Variants in SEC62 observed in about 807,000 individuals in gnomAD.
SEC62 encodes SEC62 preprotein translocation factor, also known as translocation protein SEC62.
In SEC62, 10 loss-of-function variants were observed where a neutral mutation model predicts 47.5. The observed-to-expected ratio is 0.21, with a 90% confidence interval of 0.13 to 0.36. The LOEUF (loss-of-function observed/expected upper bound fraction) is 0.36. Among genes scored for constraint, SEC62 ranks in the 10% least tolerant of loss-of-function variants. SEC62 has a pLI of 1.00. For missense variants in SEC62, 327 were observed against 464.1 expected, an observed-to-expected ratio of 0.70 and a Z score of 2.71; for synonymous variants, 136 against 150.5, an observed-to-expected ratio of 0.90 and a Z score of 0.71.
chr3:169,969,324 G>A (rs1435004010), intron 1 of SEC62: 1 of 456,468 alleles, frequency 2.2e-6, no homozygotes, highest in African/African-American at 2.0e-5. Context: ...GAAGTTTCTA[G>A]CAAGAGGACT....
chr3:169,988,840 G>C (rs1303773003), intron 7 of SEC62, among the ~76,000 whole-genome samples: 1 of 152,000 alleles, frequency 6.6e-6, no homozygotes, highest in Non-Finnish European at 1.5e-5. Context: ...TTTTGCAGTG[G>C]TAGATCATTT....
In SEC62 at chr3:169,970,291, A is replaced by G. The variant is rs115832124; in HGVS notation, c.36+3433A>G. 3.4e-3 allele frequency among the ~76,000 whole-genome samples: 525 copies of G among 152,316 alleles called. 2 individuals carry two copies. The highest frequency in any genetic ancestry group is 5.1e-3 in the Non-Finnish European group (344 of 68,004). ...AGGTCCCCTCCAGCTTTCAGATCTT[A>G]TTGTTAAACTACTATTTGCATTTTT... On this transcript the variant is annotated intron_variant, in intron 1 of 7. Transcript: ENST00000337002.
rs3772184 is a variant in SEC62 at position 169,974,347 on chromosome 3, A to G, written c.37-1261A>G. Among the ~76,000 whole-genome samples the G allele has an allele frequency of 5.5e-3, 833 of 152,340 alleles. 41 individuals are homozygous for G. The East Asian group carries it at 0.13, about 24-fold the overall frequency. On this transcript the variant is annotated intron_variant, in intron 1 of 7. Transcript: ENST00000337002. ...AATTAAGTACAGTGCATTTGTTTCA[A>G]TAGCTTACAGCAATAAGACAGCTTT... is the stretch of plus-strand genomic sequence containing the variant.
Position 169,983,342 on chromosome 3 carries a change from T to C in SEC62, c.549+89T>C, listed in dbSNP as rs2287487. On this transcript the variant is annotated intron_variant, in intron 5 of 7. Transcript: ENST00000337002. ...GCCTTCACTAATAAAAGGAAAAATT[T>C]TGAGAAATCTAATTATGCTCTTAAA... 133 of 698,526 alleles carry C rather than the reference T, an allele frequency of 1.9e-4. No individual in the cohort carries two copies. The East Asian group carries it at 3.7e-3, about 19-fold the overall frequency. The allele number at this position is 698,526 out of a possible 1,614,324, so 43.3% of individuals were successfully genotyped here. A position where few individuals can be genotyped will look rare whatever the true frequency, so the allele number is the denominator to read the frequency against.
intron 3 of SEC62, among the ~76,000 whole-genome samples, chr3:169,977,987 C>T (rs1199423540): frequency 1.3e-5 from 2 of 152,142 alleles, no homozygotes; most frequent in Non-Finnish European, 2.9e-5. Context: ...CTTTTAGAAA[C>T]AGTAGGTTTC....
Position 169,992,643 on chromosome 3 carries a change from C to T in SEC62, c.780C>T (p.His260=), listed in dbSNP as rs748507888. 1.2e-6 allele frequency: 2 copies of T among 1,614,068 alleles called. No homozygotes were observed. Among genetic ancestry groups the T allele is most frequent in the Admixed American group, 3.3e-5 (2 of 60,002 alleles). The part of the protein sequence containing the change: ...LIIWLITGGR[H]HFWFLPNLTA... ...TTTGGCTCATAACTGGAGGAAGGCA[C>T]CACTTTTGGTTCTTGCCAAATCTGA... Residue 260 remains histidine (H), a synonymous_variant, in exon 8 of 8, where the codon CAC becomes CAT. Coordinates refer to ENST00000337002, the MANE Select transcript of SEC62 (RefSeq NM_003262.4). This position sits in a 1 kb window ranked among gnomAD's most constrained non-coding sequence, Gnocchi z 4.0.
At chr3:169,983,400 T>C in intron 5 of SEC62, 147 bp downstream of exon 5, 1 of 463,648 alleles carries the variant, frequency 2.2e-6, no homozygotes, top group Non-Finnish European at 3.9e-6. Context: ...TAAAAATCAA[T>C]AATTTCTCTT....
At chr3:169,986,769 C>G (rs1253787950) in intron 6 of SEC62, among the ~76,000 whole-genome samples, 1 of 151,930 alleles carries the variant, frequency 6.6e-6, no homozygotes, top group East Asian at 1.9e-4. Context: ...TTCCTGTCAC[C>G]CAGGCTGGAA....
intron 1 of SEC62, chr3:169,968,462 T>G (rs1030060721): frequency 1.3e-5 from 2 of 151,976 alleles, no homozygotes; most frequent in South Asian, 4.1e-4. Context: ...CCTCCACCAA[T>G]TATTGGCTGA....
chr3:169,982,485 A>G lies in SEC62; in HGVS notation c.252-222A>G, dbSNP rs116491109. On this transcript the variant is annotated intron_variant, in intron 3 of 7. Coordinates refer to ENST00000337002, the MANE Select transcript of SEC62 (RefSeq NM_003262.4). ...AGGTACATCATTAAAAGTGAAAATT[A>G]TATTGAATATCACTGAGTTTTGACA... 1.9e-3 allele frequency among the ~76,000 whole-genome samples: 291 copies of G among 152,298 alleles called. 2 individuals are homozygous for G. The highest frequency in any genetic ancestry group is 6.6e-3 in the African/African-American group (276 of 41,584).
In SEC62 at chr3:169,997,884, A is replaced by C. The variant is rs1715422629; in HGVS notation, c.*4821A>C. On this transcript the variant is annotated 3_prime_UTR_variant, in exon 8 of 8. Coordinates refer to ENST00000337002, the MANE Select transcript of SEC62 (RefSeq NM_003262.4). ...TGTGGTAGTTATAGGTGTGCATTTA[A>C]TAGCCAGATCTACGAGTGGATGTAA... 6.6e-6 allele frequency: 1 copy of C among 152,254 alleles called. No homozygotes were observed. The highest frequency in any genetic ancestry group is 1.5e-5 in the Non-Finnish European group (1 of 68,046). The allele number at this position is 152,254 out of a possible 1,614,324, so 9.4% of individuals were successfully genotyped here. A position where few individuals can be genotyped will look rare whatever the true frequency, so the allele number is the denominator to read the frequency against.
intron 1 of SEC62, among the ~76,000 whole-genome samples, chr3:169,973,242 T>A (rs1436436442): frequency 6.6e-6 from 1 of 152,212 alleles, no homozygotes; most frequent in Non-Finnish European, 1.5e-5. Context: ...AAATTTTAAT[T>A]AGGAATTTTT....
At chr3:169,985,641 C>A in intron 5 of SEC62, 164 bp from the exon 6 acceptor site, 1 of 493,844 alleles carries the variant, frequency 2.0e-6, no homozygotes, top group South Asian at 3.9e-5. Flanking sequence ...AGAAGAACCA[C>A]TACTACTGAA....
Position 169,992,391 on chromosome 3 carries a change from T to G in SEC62, c.731-203T>G, listed in dbSNP as rs1715268490. ...ATTATAGCTCACTGCAGCCTCGAGCTCCTGGGCTCAAGTGATCCTCCCAAG... is the reference window on the plus strand; with the variant it reads ...ATTATAGCTCACTGCAGCCTCGAGCGCCTGGGCTCAAGTGATCCTCCCAAG... On this transcript the variant is annotated intron_variant, in intron 7 of 7. Transcript: ENST00000337002. This position sits in a 1 kb window ranked among gnomAD's most constrained non-coding sequence, Gnocchi z 4.0. 1.3e-5 allele frequency among the ~76,000 whole-genome samples: 2 copies of G among 152,166 alleles called. No individual in the cohort carries two copies. Among genetic ancestry groups the G allele is most frequent in the South Asian group, 4.1e-4 (2 of 4,828 alleles).
In SEC62 at chr3:169,995,074, C is replaced by A. The variant is rs1715342757; in HGVS notation, c.*2011C>A. ...GTGTACTTTAAACAAATATAAAAAT[C>A]AAAAGGCTGCCTCTATTACAATCCT... On this transcript the variant is annotated 3_prime_UTR_variant, in exon 8 of 8. Transcript: ENST00000337002. The A allele has an allele frequency of 1.3e-5, 2 of 152,108 alleles. No individual in the cohort carries two copies. The highest frequency in any genetic ancestry group is 4.1e-4 in the South Asian group (2 of 4,826). The allele number at this position is 152,108 out of a possible 1,614,324, so 9.4% of individuals were successfully genotyped here.
chr3:169,974,391 A>G (rs930621050), intron 1 of SEC62, among the ~76,000 whole-genome samples: 1 of 152,238 alleles, frequency 6.6e-6, no homozygotes, highest in Non-Finnish European at 1.5e-5. Flanking sequence ...TATACATAAG[A>G]TGTATACAAA....
At chr3:169,979,506 G>A (rs150713251) in intron 3 of SEC62, among the ~76,000 whole-genome samples, 1 of 152,180 alleles carries the variant, frequency 6.6e-6, no homozygotes, top group Non-Finnish European at 1.5e-5. Flanking sequence ...ACAAGACTTT[G>A]TATCACTGAC....
At position 169,970,542 on chromosome 3, in the gene SEC62, A is replaced by G. The variant is rs75958474; in HGVS notation, c.36+3684A>G. Among the ~76,000 whole-genome samples the G allele has an allele frequency of 4.9e-3, 741 of 152,302 alleles. 4 individuals carry two copies. The highest frequency in any genetic ancestry group is 0.017 in the African/African-American group (720 of 41,548). On this transcript the variant is annotated intron_variant, in intron 1 of 7. Coordinates refer to ENST00000337002, the MANE Select transcript of SEC62 (RefSeq NM_003262.4). Reference sequence around the variant, plus strand: ...TAGAAATGTCAAACTCTATCTTATTATAGTATTTGAGTGTCGGTGTATTCT... The same window carrying G: ...TAGAAATGTCAAACTCTATCTTATTGTAGTATTTGAGTGTCGGTGTATTCT...
chr3:169,977,289 G>A (rs1190062926), intron 3 of SEC62, among the ~76,000 whole-genome samples: 1 of 152,090 alleles, frequency 6.6e-6, no homozygotes, highest in Admixed American at 6.5e-5. Context: ...CCTACTGAAG[G>A]GTCAGCAACA....
Sources: allele counts gnomAD v4.1 joint callset (sites outside exome capture counted in the v4.1 genomes callset), GRCh38; gene constraint gnomAD v4.1.1; non-coding constraint Gnocchi (gnomAD v3.1); transcripts MANE v1.5; gene names NCBI Gene and HGNC (gene_info 2026-07-23, HGNC 2026-07-21).